Variants in PUS7 observed in about 807,000 individuals in gnomAD.
The protein encoded by PUS7 is pseudouridylate synthase 7 homolog.
A neutral mutation model predicts 79.8 loss-of-function variants in PUS7; 48 were observed. That is an observed-to-expected ratio of 0.60 (90% CI 0.48 to 0.76). The LOEUF is 0.76. Ranked by LOEUF, PUS7 falls within the 30% of genes least tolerant of loss-of-function variation. The probability of loss-of-function intolerance (pLI) is 0.00; values close to 1 mark genes in which losing one functional copy is unlikely to be tolerated. For synonymous variants in PUS7, 286 were observed against 272.2 expected (o/e 1.05, Z -0.50); for missense variants, 729 against 797.6 (o/e 0.91, Z 1.04).
chr7:105,510,132 C>T (rs1825646773), intron 1 of PUS7, among the ~76,000 whole-genome samples: 1 of 152,040 alleles, frequency 6.6e-6, no homozygotes, highest in African/African-American at 2.4e-5. Context: ...GAAATTCCGT[C>T]TCTACTGAAA....
chr7:105,486,893 C>G (rs529497580), intron 7 of PUS7, among the ~76,000 whole-genome samples: 2 of 151,784 alleles, frequency 1.3e-5, no homozygotes, highest in South Asian at 4.2e-4. Context: ...AACCCCGTGT[C>G]TACTAAAAAT....
intron 9 of PUS7, among the ~76,000 whole-genome samples, chr7:105,474,367 T>C (rs777676699): frequency 5.3e-5 from 8 of 152,128 alleles, no homozygotes; most frequent in Non-Finnish European, 8.8e-5. Context: ...GGGTGATAAA[T>C]TATTTACTTG....
chr7:105,489,386 G>T (rs1400359284), intron 7 of PUS7, among the ~76,000 whole-genome samples: 2 of 151,742 alleles, frequency 1.3e-5, no homozygotes, highest in Admixed American at 1.3e-4. Flanking sequence ...TGAGTTTCTG[G>T]GGAGTCCCTG....
chr7:105,464,629 G>C (rs571654745), intron 13 of PUS7, among the ~76,000 whole-genome samples: 1 of 152,222 alleles, frequency 6.6e-6, no homozygotes, highest in Admixed American at 6.5e-5. Context: ...TGGTTCCCCA[G>C]GTCTCAAGTC....
intron 2 of PUS7, among the ~76,000 whole-genome samples, chr7:105,507,068 CAG>C (rs1484537889): frequency 2.6e-5 from 4 of 151,786 alleles, no homozygotes; most frequent in African/African-American, 9.7e-5. Flanking sequence ...TTTTTTGAGA[CAG>C]AGTCTTGCTC....
chr7:105,494,242 C>G (rs903973398), intron 6 of PUS7, among the ~76,000 whole-genome samples: 7 of 152,044 alleles, frequency 4.6e-5, no homozygotes, highest in Non-Finnish European at 7.4e-5. Flanking sequence ...CAGCTGCATG[C>G]GAATCATTTA....
chr7:105,496,933 T>C (rs1480311397), intron 5 of PUS7: 1 of 1,195,948 alleles, frequency 8.4e-7, no homozygotes, highest in Admixed American at 2.5e-5. Flanking sequence ...TTTATCTACA[T>C]GAAATGCCAA....
intron 5 of PUS7, 107 bp downstream of exon 5, chr7:105,502,312 CT>C: frequency 7.4e-7 from 1 of 1,343,102 alleles, no homozygotes; most frequent in African/African-American, 1.5e-5. Context: ...ATATTGTTCT[CT>C]GAGCAGCACT....
intron 9 of PUS7, among the ~76,000 whole-genome samples, chr7:105,476,993 A>T (rs1824139778): frequency 6.6e-6 from 1 of 152,154 alleles, no homozygotes; most frequent in Non-Finnish European, 1.5e-5. Flanking sequence ...TATCAGATGT[A>T]TGATTTGAAA....
chr7:105,463,208 C>T (rs1261512697), intron 13 of PUS7, among the ~76,000 whole-genome samples: 3 of 152,202 alleles, frequency 2.0e-5, no homozygotes, highest in Non-Finnish European at 4.4e-5. Flanking sequence ...TTTTTTATAG[C>T]ACTCAAGAGA....
chr7:105,505,988 C>G lies in PUS7; in HGVS notation c.552G>C (p.Leu184=). Residue 184 remains leucine, a synonymous_variant, in exon 4 of 16, where the codon CTG becomes CTC. Transcript: ENST00000469408. ...EEKQRLEELQ[L]FKNKETSVAI... is the part of the protein sequence containing the mutation. ...CAACACTGGTTTCCTTATTTTTGAACAGCTGGAGCTCTTCCAATCGCTGCT... is the reference window on the plus strand; with the variant it reads ...CAACACTGGTTTCCTTATTTTTGAAGAGCTGGAGCTCTTCCAATCGCTGCT... 1 of 1,613,062 alleles carries G rather than the reference C, an allele frequency of 6.2e-7. No individual in the cohort carries two copies. Among genetic ancestry groups the G allele is most frequent in the Non-Finnish European group, 8.5e-7 (1 of 1,179,600 alleles).
rs1823900411 is a variant in PUS7 at position 105,472,153 on chromosome 7, T to C, written c.1216A>G (p.Ile406Val). ...QNSWTEVMDL[I>V]LKPRSGAEKG... ...TCACCTCCAGAGCGGGGTTTCAATA[T>C]TAAATCCATGACTTCTGTCCAGGAA... The change falls in exon 10 of 16, where the codon ATA becomes GTA. Residue 406 changes from isoleucine to valine, a missense_variant. Physicochemically the swap from Ile to Val is conservative, Grantham distance 29. Coordinates refer to ENST00000469408, the MANE Select transcript of PUS7 (RefSeq NM_019042.5). 3 of 1,600,662 alleles carry C rather than the reference T, an allele frequency of 1.9e-6. No individual in the cohort carries two copies. The highest frequency in any genetic ancestry group is 4.5e-5 in the East Asian group (2 of 44,692).
intron 4 of PUS7, 146 bp downstream of exon 4, chr7:105,505,809 A>G: frequency 1.6e-6 from 1 of 611,648 alleles, no homozygotes; most frequent in Non-Finnish European, 2.8e-6. Flanking sequence ...CAGTAAAAAA[A>G]TTTTTTAGTG....
At chr7:105,509,404 AG>A (rs1825618224) in intron 1 of PUS7, among the ~76,000 whole-genome samples, 1 of 152,068 alleles carries the variant, frequency 6.6e-6, no homozygotes. Context: ...TACTACTTTT[AG>A]GGATTTATCT....
At chr7:105,502,665 G>A (rs375451529) in intron 4 of PUS7, 101 bp from the exon 5 acceptor site, 52 of 1,291,256 alleles carry the variant, frequency 4.0e-5, no homozygotes, top group East Asian at 2.8e-4. Flanking sequence ...TATTAACTAC[G>A]CAAAATAACA....
intron 4 of PUS7, among the ~76,000 whole-genome samples, chr7:105,503,777 C>A (rs906979821): frequency 6.6e-6 from 1 of 152,012 alleles, no homozygotes; most frequent in African/African-American, 2.4e-5. Context: ...GGACTACAGG[C>A]ATGTGCCTCC....
chr7:105,467,900 G>A (rs182255808), intron 12 of PUS7, among the ~76,000 whole-genome samples: 45 of 151,940 alleles, frequency 3.0e-4, no homozygotes, highest in African/African-American at 1.1e-3. Flanking sequence ...GCCAATGTAA[G>A]TTTGCATGGT....
chr7:105,464,235 G>C (rs1586089254), intron 13 of PUS7, among the ~76,000 whole-genome samples: 1 of 65,176 alleles, frequency 1.5e-5, no homozygotes, highest in East Asian at 6.0e-4. Context: ...GATTTTGGGT[G>C]TCAACTTGAC....
At chr7:105,481,519 G>C (rs566430511) in intron 8 of PUS7, among the ~76,000 whole-genome samples, 25 of 152,214 alleles carry the variant, frequency 1.6e-4, no homozygotes, top group African/African-American at 3.9e-4. Context: ...TGGAACACTA[G>C]CATAAATGGG....
Sources: allele counts gnomAD v4.1 joint callset (sites outside exome capture counted in the v4.1 genomes callset), GRCh38; gene constraint gnomAD v4.1.1; transcripts MANE v1.5; gene names NCBI Gene and HGNC (gene_info 2026-07-23, HGNC 2026-07-21).